Variants in LRIF1 observed in about 807,000 individuals in gnomAD.
LRIF1 encodes ligand dependent nuclear receptor interacting factor 1.
LRIF1 carries 32 observed loss-of-function variants against 52.7 expected under a neutral mutation model. The observed-to-expected ratio is 0.61, with a 90% confidence interval of 0.46 to 0.82. The LOEUF (loss-of-function observed/expected upper bound fraction) is 0.82, where lower values mean the gene tolerates loss of function less well. Ranked by LOEUF, LRIF1 falls within the 40% of genes least tolerant of loss-of-function variation. LRIF1 has a pLI of 0.00. For missense variants in LRIF1, 887 were observed against 892.0 expected, an observed-to-expected ratio of 0.99 and a Z score of 0.07; for synonymous variants, 323 against 317.4, an observed-to-expected ratio of 1.02 and a Z score of -0.19.
rs2101102090 is a variant in LRIF1 at position 110,947,886 on chromosome 1, C to T, written c.*73G>A. The T allele has an allele frequency of 4.0e-6, 6 of 1,506,286 alleles. No individual in the cohort carries two copies. The highest frequency in any genetic ancestry group is 1.4e-5 in the South Asian group (1 of 72,402). 93.3% of individuals were successfully genotyped at this position (1,506,286 alleles called of 1,614,324 possible). ...TATTCAAAGACACTTTCAGAACACA[C>T]CTACAATTAACTTATTAATGCTGAA... On this transcript the variant is annotated 3_prime_UTR_variant, in exon 4 of 4. Coordinates refer to ENST00000369763, the MANE Select transcript of LRIF1 (RefSeq NM_018372.4).
At chr1:110,957,242 G>C (rs543553276) in intron 1 of LRIF1, among the ~76,000 whole-genome samples, 1 of 149,666 alleles carries the variant, frequency 6.7e-6, no homozygotes, top group Admixed American at 6.7e-5. Flanking sequence ...TGGATCACGA[G>C]GTCAGGAGAT....
chr1:110,891,218 C>T, the LRIF1 span, among the ~76,000 whole-genome samples: 2 of 152,212 alleles, frequency 1.3e-5, no homozygotes, highest in Non-Finnish European at 2.9e-5. Flanking sequence ...CTAAGATGAG[C>T]CAGTTGGTAT....
downstream of LRIF1, among the ~76,000 whole-genome samples, chr1:110,945,424 C>T (rs1406760858): frequency 6.6e-6 from 1 of 151,492 alleles, no homozygotes; most frequent in Non-Finnish European, 1.5e-5. Context: ...CCCCTCCCTC[C>T]CTCCCTCTCT....
chr1:110,906,094 CAAGA>C, the LRIF1 span, among the ~76,000 whole-genome samples: 16 of 150,932 alleles, frequency 1.1e-4, no homozygotes, highest in East Asian at 2.0e-4. Context: ...TAAAGGAAGA[CAAGA>C]AAGAAAGAAG....
At chr1:110,919,605 A>T in the LRIF1 span, among the ~76,000 whole-genome samples, 1 of 152,180 alleles carries the variant, frequency 6.6e-6, no homozygotes, top group Non-Finnish European at 1.5e-5. Context: ...CAAAAAAAAG[A>T]TTATCTTCCA....
rs1323040500 is a variant in LRIF1 at position 110,955,784 on chromosome 1, G to C, written c.69-2969C>G. 4.6e-5 allele frequency among the ~76,000 whole-genome samples: 7 copies of C among 152,178 alleles called. 1 individual carries two copies. The highest frequency in any genetic ancestry group is 1.7e-4 in the African/African-American group (7 of 41,444). On this transcript the variant is annotated intron_variant, in intron 1 of 3. Coordinates refer to ENST00000369763, the MANE Select transcript of LRIF1 (RefSeq NM_018372.4). ...TACAGGAATAAATGGAATCAAAGAA[G>C]GGATCTTTCCTTTTTCTTTGTTTAA...
the LRIF1 span, among the ~76,000 whole-genome samples, chr1:110,895,586 C>G: frequency 6.6e-6 from 1 of 152,134 alleles, no homozygotes; most frequent in East Asian, 1.9e-4. Flanking sequence ...AACAGTACCA[C>G]TATGAAAGCA....
In LRIF1 at chr1:110,947,828, T is replaced by C; in HGVS notation, c.*131A>G. ...TCAACCTTTTCTGTATTCCTTAAAGTTGTACAATCGACTGATGAAAAAACA... is the reference window on the plus strand; with the variant it reads ...TCAACCTTTTCTGTATTCCTTAAAGCTGTACAATCGACTGATGAAAAAACA... On this transcript the variant is annotated 3_prime_UTR_variant, in exon 4 of 4. Transcript: ENST00000369763. 2 of 1,261,160 alleles carry C rather than the reference T, an allele frequency of 1.6e-6. No homozygotes were observed. The highest frequency in any genetic ancestry group is 3.3e-5 in the South Asian group (2 of 59,812). 78.1% of individuals were successfully genotyped at this position (1,261,160 alleles called of 1,614,324 possible). A position where few individuals can be genotyped will look rare whatever the true frequency, so the allele number is the denominator to read the frequency against.
the LRIF1 span, among the ~76,000 whole-genome samples, chr1:110,876,945 A>T: frequency 6.6e-6 from 1 of 152,190 alleles, no homozygotes; most frequent in East Asian, 1.9e-4. Flanking sequence ...TTCCCCTAAG[A>T]ATGTTAGTGT....
Position 110,953,093 on chromosome 1 carries a change from T to C in LRIF1, c.69-278A>G, listed in dbSNP as rs563963871. The stretch of plus-strand genomic sequence containing the variant: ...TAAGGTTTTGCCCTATATAAAATTA[T>C]ACTACTAAAGTAAGCTCCTCTTAAA... On this transcript the variant is annotated intron_variant, in intron 1 of 3. Coordinates refer to ENST00000369763, the MANE Select transcript of LRIF1 (RefSeq NM_018372.4). 1.8e-3 allele frequency: 295 copies of C among 162,752 alleles called. 2 individuals are homozygous for C. Among genetic ancestry groups the C allele is most frequent in the Non-Finnish European group, 3.0e-3 (224 of 75,300 alleles). The allele number at this position is 162,752 out of a possible 1,614,324, so 10.1% of individuals were successfully genotyped here.
At chr1:110,900,763 AAAC>A in the LRIF1 span, among the ~76,000 whole-genome samples, 200 of 151,728 alleles carry the variant, frequency 1.3e-3, 2 homozygotes, top group African/African-American at 4.8e-3. Context: ...AAAAAAAAAA[AAAC>A]AAAAAAAAAA....
chr1:110,959,418 G>A (rs952021142), intron 1 of LRIF1, among the ~76,000 whole-genome samples: 21 of 152,034 alleles, frequency 1.4e-4, no homozygotes, highest in African/African-American at 5.1e-4. Flanking sequence ...TATGCAATTG[G>A]TCTCTGAGAA....
At chr1:110,905,835 A>T in the LRIF1 span, among the ~76,000 whole-genome samples, 1 of 152,224 alleles carries the variant, frequency 6.6e-6, no homozygotes, top group Non-Finnish European at 1.5e-5. Context: ...AACTTTTAAG[A>T]CATAGACAGT....
the LRIF1 span, among the ~76,000 whole-genome samples, chr1:110,921,934 C>T: frequency 1.3e-5 from 2 of 152,094 alleles, no homozygotes; most frequent in South Asian, 2.1e-4. Flanking sequence ...GTGTTAAGCC[C>T]AGTACTCAAT....
At chr1:110,923,078 G>A in the LRIF1 span, among the ~76,000 whole-genome samples, 33 of 152,252 alleles carry the variant, frequency 2.2e-4, no homozygotes, top group East Asian at 6.2e-3. Flanking sequence ...GCTGAGGCGG[G>A]CGGATTGTCT....
At chr1:110,904,578 T>C in the LRIF1 span, among the ~76,000 whole-genome samples, 17 of 152,302 alleles carry the variant, frequency 1.1e-4, no homozygotes, top group Admixed American at 2.0e-4. Flanking sequence ...ACCACAGTAT[T>C]ACTGAGCTCG....
chr1:110,881,596 T>G, the LRIF1 span, among the ~76,000 whole-genome samples: 1 of 152,250 alleles, frequency 6.6e-6, no homozygotes, highest in African/African-American at 2.4e-5. Flanking sequence ...TATGGACATA[T>G]GCTTTCATTT....
At chr1:110,895,332 A>G in the LRIF1 span, among the ~76,000 whole-genome samples, 1 of 152,196 alleles carries the variant, frequency 6.6e-6, no homozygotes, top group East Asian at 1.9e-4. Context: ...AGCAAACTGG[A>G]TTAGTTTATG....
At chr1:110,930,063 A>ACTACAGAC in the LRIF1 span, among the ~76,000 whole-genome samples, 2 of 152,158 alleles carry the variant, frequency 1.3e-5, no homozygotes, top group Non-Finnish European at 2.9e-5. Flanking sequence ...TATTAACTAA[A>ACTACAGAC]CTACAGACCT....
Sources: gnomAD v4.1 joint callset for allele counts (sites outside exome capture counted in the v4.1 genomes callset) on GRCh38, gnomAD v4.1.1 for gene constraint, MANE v1.5 for transcripts, NCBI Gene and HGNC (gene_info 2026-07-23, HGNC 2026-07-21) for gene names.